The following CCT6B variants were observed in gnomAD, a reference collection of about 807,000 sequenced individuals.
CCT6B encodes chaperonin containing TCP1 subunit 6B.
Under a neutral mutation model 61.5 loss-of-function variants are expected in CCT6B, and 49 were observed. The ratio of observed to expected loss-of-function variants is 0.80; its 90% CI spans 0.63 to 1.01. The LOEUF is 1.01. Ranked by LOEUF, CCT6B falls within the 50% of genes least tolerant of loss-of-function variation. CCT6B has a pLI of 0.00. For synonymous variants in CCT6B, 228 were observed against 214.5 expected (o/e 1.06, Z -0.55); for missense variants, 666 against 634.7 (o/e 1.05, Z -0.53).
At chr17:34,932,998 T>C (rs1385802958) in intron 10 of CCT6B, among the ~76,000 whole-genome samples, 1 of 152,184 alleles carries the variant, frequency 6.6e-6, no homozygotes, top group African/African-American at 2.4e-5. Context: ...GCCAGGCTGG[T>C]CTTGAACTCC....
chr17:34,935,861 G>GAA lies in CCT6B; in HGVS notation c.1213+3320_1213+3321dup, dbSNP rs59562273. Among the ~76,000 whole-genome samples the GAA allele has an allele frequency of 4.3e-3, 601 of 138,440 alleles. 1 individual carries two copies. Among genetic ancestry groups the GAA allele is most frequent in the Middle Eastern group, 7.3e-3 (2 of 274 alleles). 90.8% of individuals were successfully genotyped at this position (138,440 alleles called of 152,430 possible). On this transcript the variant is annotated intron_variant, in intron 10 of 13. Coordinates refer to ENST00000314144, the MANE Select transcript of CCT6B (RefSeq NM_006584.4). ...AACGAAGTGAGACTTCATCTCAAAA[G>GAA]AAAAAAAAAAAAATCATATGATCAT...
chr17:34,941,188 T>C (rs532441760), intron 7 of CCT6B, among the ~76,000 whole-genome samples: 2 of 152,212 alleles, frequency 1.3e-5, no homozygotes, highest in Admixed American at 1.3e-4. Context: ...AATGAACTTT[T>C]CATACTATCT....
Position 34,954,477 on chromosome 17 carries a change from T to C in CCT6B, c.459A>G (p.Arg153=), listed in dbSNP as rs148140830. The part of the protein sequence containing the change: ...MKRKILLDVA[R]TSLQTKVHAE... ...CATGAACTTTAGTTTGTAATGATGT[T>C]CTAGCTACATCTAAGAGGATTTTTC... is the stretch of plus-strand genomic sequence containing the variant. The change falls in exon 4 of 14, where the codon AGA becomes AGG. Residue 153 remains arginine (R), a synonymous_variant. Transcript: ENST00000314144. 8.7e-6 allele frequency: 14 copies of C among 1,613,438 alleles called. No individual in the cohort carries two copies. In the African/African-American group the frequency reaches 1.9e-4, roughly 22 times the overall value.
chr17:34,942,546 T>G lies in CCT6B; in HGVS notation c.823A>C (p.Ile275Leu). Residue 275 changes from isoleucine to leucine, a missense_variant, in exon 7 of 14, where the codon ATA becomes CTA. Transcript: ENST00000314144. The stretch of plus-strand genomic sequence containing the variant: ...GCACAGACTTTGTCCTTCAGGTCTA[T>G]TATTTTTTGTACTCTATCTTCAATA... The part of the protein sequence containing the change: ...KFIEDRVQKI[I>L]DLKDKVCAQS... The G allele has an allele frequency of 6.2e-7, 1 of 1,608,094 alleles. No individual in the cohort carries two copies. The highest frequency in any genetic ancestry group is 1.3e-5 in the African/African-American group (1 of 74,656).
At chr17:34,953,931 G>A (rs574133988) in intron 4 of CCT6B, among the ~76,000 whole-genome samples, 2 of 152,066 alleles carry the variant, frequency 1.3e-5, no homozygotes, top group Non-Finnish European at 2.9e-5. Context: ...TCCAGCCTGA[G>A]TGACAGAGTA....
At chr17:34,948,715 A>G (rs76754498) in intron 5 of CCT6B, among the ~76,000 whole-genome samples, 1 of 147,844 alleles carries the variant, frequency 6.8e-6, no homozygotes, top group African/African-American at 2.5e-5. Flanking sequence ...ACTCCATCTA[A>G]AAAAAAAAAA....
At chr17:34,942,756 A>G (rs770399557) in intron 6 of CCT6B, 40 bp downstream of exon 6, 1 of 1,525,572 alleles carries the variant, frequency 6.6e-7, no homozygotes. Context: ...CACCTTTAGA[A>G]AAAAAAATTC....
chr17:34,961,182 G>T (rs552724986), intron 1 of CCT6B, 75 bp downstream of exon 1: 2 of 1,508,352 alleles, frequency 1.3e-6, no homozygotes, highest in East Asian at 4.6e-5. Flanking sequence ...GCGCTACGCG[G>T]ACGCCTGCCT....
rs1338703797 is a variant in CCT6B, at chr17:34,939,728, A to G, written c.969-15T>C. 4.7e-6 allele frequency: 7 copies of G among 1,484,788 alleles called. No homozygotes were observed. The highest frequency in any genetic ancestry group is 1.4e-5 in the African/African-American group (1 of 72,344). 92.0% of individuals were successfully genotyped at this position (1,484,788 alleles called of 1,614,324 possible). A position where few individuals can be genotyped will look rare whatever the true frequency, so the allele number is the denominator to read the frequency against. On this transcript the variant is annotated splice_polypyrimidine_tract_variant and intron_variant, in intron 8 of 13. Transcript: ENST00000314144. Reference sequence around the variant, plus strand: ...CAAGAGAGAGTCTGAAATTACATATATGTCACCATAGCTTGATTATGGAGA... The same window carrying G: ...CAAGAGAGAGTCTGAAATTACATATGTGTCACCATAGCTTGATTATGGAGA...
chr17:34,928,428 A>G (rs2089994096), intron 13 of CCT6B, among the ~76,000 whole-genome samples: 1 of 152,002 alleles, frequency 6.6e-6, no homozygotes, highest in Non-Finnish European at 1.5e-5. Context: ...ACCCACCAAC[A>G]CGCCTGGCTA....
At chr17:34,951,117 AC>A in intron 5 of CCT6B, among the ~76,000 whole-genome samples, 1 of 152,230 alleles carries the variant, frequency 6.6e-6, no homozygotes, top group South Asian at 2.1e-4. Flanking sequence ...ACCTAAGTGC[AC>A]TATACAGACT....
rs1320469954 is a variant in CCT6B at position 34,958,590 on chromosome 17, T to C, written c.306A>G (p.Leu102=). The change falls in exon 3 of 14, where the codon TTA becomes TTG. Residue 102 remains leucine (L), a synonymous_variant. Transcript: ENST00000314144. ...TTSNVLIIGE[L]LKQADLYISE... ...AAATGTACAGGTCAGCTTGTTTTAATAACTCTCCAATAATTAGAACATTTG... is the reference window on the plus strand; with the variant it reads ...AAATGTACAGGTCAGCTTGTTTTAACAACTCTCCAATAATTAGAACATTTG... 1 of 1,584,708 alleles carries C rather than the reference T, an allele frequency of 6.3e-7. No individual in the cohort carries two copies. The highest frequency in any genetic ancestry group is 8.6e-7 in the Non-Finnish European group (1 of 1,164,726).
intron 5 of CCT6B, among the ~76,000 whole-genome samples, chr17:34,946,858 G>GTTTTGTT: frequency 6.6e-6 from 1 of 152,112 alleles, no homozygotes; most frequent in African/African-American, 2.4e-5. Context: ...AATCTATGCC[G>GTTTTGTT]CAGAAATTCA....
chr17:34,948,893 G>GA (rs1407315774), intron 5 of CCT6B, among the ~76,000 whole-genome samples: 1 of 151,694 alleles, frequency 6.6e-6, no homozygotes, highest in African/African-American at 2.4e-5. Context: ...AAATTAGCCA[G>GA]ACATGGTGGC....
chr17:34,942,779 G>C lies in CCT6B; in HGVS notation c.725+17C>G, dbSNP rs764103251. The C allele has an allele frequency of 1.3e-6, 2 of 1,557,672 alleles. No homozygotes were observed. The highest frequency in any genetic ancestry group is 1.8e-6 in the Non-Finnish European group (2 of 1,141,804). On this transcript the variant is annotated intron_variant, in intron 6 of 13. Coordinates refer to ENST00000314144, the MANE Select transcript of CCT6B (RefSeq NM_006584.4). Reference sequence around the variant, plus strand: ...GAAAAAAAAATTCAAAAGTTATAAAGAGAAAGTAACACGCACGTTTTTTCA... The same window carrying C: ...GAAAAAAAAATTCAAAAGTTATAAACAGAAAGTAACACGCACGTTTTTTCA...
chr17:34,945,153 C>T (rs1458224632), intron 5 of CCT6B, among the ~76,000 whole-genome samples: 1 of 152,200 alleles, frequency 6.6e-6, no homozygotes, highest in Non-Finnish European at 1.5e-5. Context: ...AAACTCTAAA[C>T]ATCCAAGTTC....
At chr17:34,935,563 A>C (rs935739786) in intron 10 of CCT6B, among the ~76,000 whole-genome samples, 4 of 152,134 alleles carry the variant, frequency 2.6e-5, no homozygotes, top group African/African-American at 9.7e-5. Flanking sequence ...TGTACGAGAA[A>C]ACTAAACGAG....
chr17:34,940,790 T>A (rs2090154917), intron 7 of CCT6B, among the ~76,000 whole-genome samples, 169 bp from the exon 8 acceptor site: 1 of 152,120 alleles, frequency 6.6e-6, no homozygotes, highest in Admixed American at 6.5e-5. Context: ...GAGAAATTTT[T>A]AAAATATTTA....
intron 10 of CCT6B, among the ~76,000 whole-genome samples, chr17:34,933,149 A>C (rs2090055397): frequency 6.6e-6 from 1 of 152,212 alleles, no homozygotes; most frequent in Non-Finnish European, 1.5e-5. Context: ...ATCTGACATG[A>C]AAATTCTTTA....
Sources: gnomAD v4.1 joint callset for allele counts (sites outside exome capture counted in the v4.1 genomes callset) on GRCh38, gnomAD v4.1.1 for gene constraint, MANE v1.5 for transcripts, NCBI Gene and HGNC (gene_info 2026-07-23, HGNC 2026-07-21) for gene names.